The following PCLO variants were observed in gnomAD, a reference collection of about 807,000 sequenced individuals.
PCLO encodes piccolo presynaptic cytomatrix protein, also known as protein piccolo.
A neutral mutation model predicts 427.5 loss-of-function variants in PCLO; 82 were observed. The observed-to-expected ratio is 0.19, with a 90% confidence interval of 0.16 to 0.23. The LOEUF (loss-of-function observed/expected upper bound fraction) is 0.23. Among genes scored for constraint, PCLO ranks in the 10% least tolerant of loss-of-function variants. The pLI is 1.00. For missense variants in PCLO, 6,239 were observed against 6,115.9 expected (o/e 1.02, Z -0.67); for synonymous variants, 2,357 against 2,155.4 (o/e 1.09, Z -2.59).
intron 2 of PCLO, among the ~76,000 whole-genome samples, chr7:83,142,031 G>GC (rs530094112): frequency 6.6e-6 from 1 of 151,028 alleles, no homozygotes; most frequent in Non-Finnish European, 1.5e-5. Flanking sequence ...TGGAAGCCCT[G>GC]CCCCCCTCCC....
intron 10 of PCLO, chr7:82,867,993 A>G: frequency 2.7e-6 from 1 of 367,952 alleles, no homozygotes; most frequent in East Asian, 7.2e-5. Flanking sequence ...AGAGTTTCCT[A>G]AATATATATT....
At chr7:82,847,457 C>T (rs567304638) in intron 10 of PCLO, among the ~76,000 whole-genome samples, 45 of 152,170 alleles carry the variant, frequency 3.0e-4, no homozygotes, top group South Asian at 6.2e-4. Flanking sequence ...ATATTTAATA[C>T]AACATGCAAA....
chr7:82,978,650 C>CAACATA (rs1269098807), intron 3 of PCLO, among the ~76,000 whole-genome samples: 3 of 152,086 alleles, frequency 2.0e-5, no homozygotes, highest in Admixed American at 6.6e-5. Flanking sequence ...ATATTCATGT[C>CAACATA]TACATCCTCA....
At chr7:83,079,124 T>C (rs888158175) in intron 3 of PCLO, among the ~76,000 whole-genome samples, 1 of 152,120 alleles carries the variant, frequency 6.6e-6, no homozygotes, top group African/African-American at 2.4e-5. Flanking sequence ...CAGAGCCATA[T>C]ATATGGAGGG....
At chr7:83,057,709 C>T (rs1019364917) in intron 3 of PCLO, among the ~76,000 whole-genome samples, 8 of 151,734 alleles carry the variant, frequency 5.3e-5, no homozygotes, top group South Asian at 2.1e-4. Context: ...ACCTACATCA[C>T]GACCGATCTA....
chr7:82,871,870 A>C (rs964150484), intron 10 of PCLO, among the ~76,000 whole-genome samples: 4 of 151,966 alleles, frequency 2.6e-5, no homozygotes, highest in African/African-American at 9.7e-5. Flanking sequence ...AAGCTTTAAA[A>C]AATGGTGCAT....
intron 6 of PCLO, among the ~76,000 whole-genome samples, chr7:82,934,050 G>A (rs1462892142): frequency 6.6e-6 from 1 of 151,830 alleles, no homozygotes; most frequent in Non-Finnish European, 1.5e-5. Flanking sequence ...CTATTTCATT[G>A]AGTTGTCTTT....
chr7:83,017,313 A>C (rs1032665924), intron 3 of PCLO, among the ~76,000 whole-genome samples: 1 of 152,124 alleles, frequency 6.6e-6, no homozygotes, highest in Non-Finnish European at 1.5e-5. Context: ...AAAGAACAGC[A>C]TAAACATTAA....
intron 3 of PCLO, among the ~76,000 whole-genome samples, chr7:82,991,249 C>A (rs2115842530): frequency 6.6e-6 from 1 of 152,154 alleles, no homozygotes; most frequent in South Asian, 2.1e-4. Flanking sequence ...GTTACCACAT[C>A]ATTGAAATGA....
At chr7:82,987,457 AT>A (rs1217472686) in intron 3 of PCLO, among the ~76,000 whole-genome samples, 1 of 152,030 alleles carries the variant, frequency 6.6e-6, no homozygotes, top group Non-Finnish European at 1.5e-5. Flanking sequence ...GGGTTGATCT[AT>A]TTGCTTTATA....
At chr7:82,903,566 T>G (rs1182555324) in intron 8 of PCLO, among the ~76,000 whole-genome samples, 2 of 151,992 alleles carry the variant, frequency 1.3e-5, no homozygotes, top group African/African-American at 2.4e-5. Flanking sequence ...AATGCAAACT[T>G]GTGCTTTATA....
At chr7:82,974,930 C>T (rs1032763137) in intron 3 of PCLO, among the ~76,000 whole-genome samples, 9 of 152,018 alleles carry the variant, frequency 5.9e-5, no homozygotes, top group African/African-American at 2.2e-4. Flanking sequence ...AGGTGCCCGC[C>T]ACCATGCCCT....
At position 82,951,254 on chromosome 7, in the gene PCLO, T is replaced by C. The variant is rs747852960; in HGVS notation, c.9334A>G (p.Ser3112Gly). 2.4e-5 allele frequency: 39 copies of C among 1,613,564 alleles called. No individual in the cohort carries two copies. Among genetic ancestry groups the C allele is most frequent in the Non-Finnish European group, 3.1e-5 (36 of 1,179,724 alleles). ...CCAGACAAATCCCTCACTGTGGTGC[T>C]GAAAATGGAGCCAGGTTGTGTGGTG... Reference protein sequence around the residue: ...AITTQPGSIFSTTVRDLSGIH... With the variant: ...AITTQPGSIFGTTVRDLSGIH... The change falls in exon 6 of 25, where the codon AGC becomes GGC. Residue 3112 changes from serine (S) to glycine (G), a missense_variant. By Grantham distance (56) the Ser-to-Gly change is moderately conservative (BLOSUM62 0). Around this residue, in one of 5 missense-constraint regions of PCLO, gnomAD observed 4,677 missense variants for 4,468.4 expected, o/e 1.05. Coordinates refer to ENST00000333891, the MANE Select transcript of PCLO (RefSeq NM_033026.6).
chr7:82,791,946 T>C lies in PCLO; in HGVS notation c.15007+9572A>G, dbSNP rs535935773. Among the ~76,000 whole-genome samples the C allele has an allele frequency of 5.9e-5, 9 of 152,160 alleles. No homozygotes were observed. In the East Asian group the frequency reaches 1.2e-3, roughly 20 times the overall value. ...TTCTGAATTTTTTCTTCCTGAACAT[T>C]TATAAATTTATTTTTAAACTTTCAG... is the stretch of plus-strand genomic sequence containing the variant. On this transcript the variant is annotated intron_variant, in intron 22 of 24. Coordinates refer to ENST00000333891, the MANE Select transcript of PCLO (RefSeq NM_033026.6).
Position 82,915,262 on chromosome 7 carries a change from T to A in PCLO, c.12724A>T (p.Thr4242Ser). 1 of 1,613,496 alleles carries A rather than the reference T, an allele frequency of 6.2e-7. No homozygotes were observed. Among genetic ancestry groups the A allele is most frequent in the Non-Finnish European group, 8.5e-7 (1 of 1,179,702 alleles). Residue 4242 changes from threonine to serine, a missense_variant, in exon 7 of 25, where the codon ACT (threonine) becomes TCT (serine). Transcript: ENST00000333891. ...SRARLLQDDI[T>S]FGLRKNITDQ... ...GTAATATTTTTTCTGAGGCCAAAAG[T>A]GATGTCATCTTGAAGGAGCCTTGCC...
rs1402765191 is a variant in PCLO at position 83,155,754 on chromosome 7, G to C, written c.887C>G (p.Pro296Arg). ...ADIVRGESVK[P>R]SLPSPSKPPI... is the part of the protein sequence containing the mutation. ...TGGTTTGGATGGGCTTGGCAGTGAG[G>C]GTTTAACTGATTCTCCCCTTACTAT... is the stretch of plus-strand genomic sequence containing the variant. The change falls in exon 2 of 25, where the codon CCC becomes CGC. Residue 296 changes from proline to arginine, a missense_variant. Physicochemically the swap from Pro to Arg is moderately radical, Grantham distance 103. Transcript: ENST00000333891. 1 of 1,613,818 alleles carries C rather than the reference G, an allele frequency of 6.2e-7. No homozygotes were observed. Among genetic ancestry groups the C allele is most frequent in the African/African-American group, 1.3e-5 (1 of 74,920 alleles).
In PCLO at chr7:82,916,351, C is replaced by A; in HGVS notation, c.11635G>T (p.Val3879Phe). Residue 3879 changes from valine (V) to phenylalanine (F), a missense_variant, in exon 7 of 25, where the codon GTT becomes TTT. Val to Phe is a conservative substitution (Grantham distance 50, BLOSUM62 -1). Transcript: ENST00000333891. ...PPQTQTESQL[V>F]PPTSPYTQYQ... ...TGTGTGTAAGGACTTGTCGGAGGAACTAGTTGAGATTCTGTTTGGGTTTGT... is the reference window on the plus strand; with the variant it reads ...TGTGTGTAAGGACTTGTCGGAGGAAATAGTTGAGATTCTGTTTGGGTTTGT... 2 of 1,613,608 alleles carry A rather than the reference C, an allele frequency of 1.2e-6. No homozygotes were observed. The highest frequency in any genetic ancestry group is 1.7e-6 in the Non-Finnish European group (2 of 1,179,726).
At chr7:82,839,632 C>T (rs114194657) in intron 14 of PCLO, among the ~76,000 whole-genome samples, 1 of 152,084 alleles carries the variant, frequency 6.6e-6, no homozygotes, top group Non-Finnish European at 1.5e-5. Flanking sequence ...CCCATTCTCT[C>T]CTTTCTCTGC....
intron 2 of PCLO, among the ~76,000 whole-genome samples, chr7:83,138,598 T>A (rs908287293): frequency 6.6e-6 from 1 of 151,416 alleles, no homozygotes; most frequent in South Asian, 2.1e-4. Flanking sequence ...GAGGTGGAGG[T>A]TGCATTGAGC....
Sources: gnomAD v4.1 joint callset for allele counts (sites outside exome capture counted in the v4.1 genomes callset) on GRCh38, gnomAD v4.1.1 for gene constraint, gnomAD v4.1.1 regional missense constraint, MANE v1.5 for transcripts, NCBI Gene and HGNC (gene_info 2026-07-23, HGNC 2026-07-21) for gene names.